PRRX2: variants seen among roughly 807,000 people sequenced by gnomAD.
PRRX2 encodes the protein paired mesoderm homeobox protein 2.
PRRX2 carries 11 observed loss-of-function variants against 18.0 expected under a neutral mutation model. That is an observed-to-expected ratio of 0.61 (90% confidence interval 0.39 to 1.01). The LOEUF is 1.01. Ranked by LOEUF, PRRX2 falls within the 50% of genes least tolerant of loss-of-function variation. The probability of loss-of-function intolerance (pLI) is 0.01; values close to 1 mark genes in which losing one functional copy is unlikely to be tolerated. For synonymous variants in PRRX2, 177 were observed against 154.8 expected, an observed-to-expected ratio of 1.14 and a Z score of -1.06; for missense variants, 387 against 351.0, an observed-to-expected ratio of 1.10 and a Z score of -0.82.
chr9:129,673,357 T>G (rs568814323), intron 1 of PRRX2, among the ~76,000 whole-genome samples: 2 of 152,118 alleles, frequency 1.3e-5, no homozygotes, highest in African/African-American at 4.8e-5. Flanking sequence ...CTCGGGATGC[T>G]GAGACAGGAG....
intron 1 of PRRX2, among the ~76,000 whole-genome samples, chr9:129,693,852 T>C (rs1166461623): frequency 1.3e-5 from 2 of 152,354 alleles, no homozygotes; most frequent in East Asian, 3.9e-4. Flanking sequence ...AATGTCTTTC[T>C]GTGGTCTATG....
At chr9:129,687,158 TG>T (rs1303902691) in intron 1 of PRRX2, among the ~76,000 whole-genome samples, 3 of 151,882 alleles carry the variant, frequency 2.0e-5, no homozygotes, top group Non-Finnish European at 4.4e-5. Context: ...GAGGCCTAGG[TG>T]GGAGGATCAC....
chr9:129,700,098 G>A lies in PRRX2; in HGVS notation c.260-19133G>A, dbSNP rs115097265. 1.5e-3 allele frequency among the ~76,000 whole-genome samples: 224 copies of A among 152,280 alleles called. 1 individual carries two copies. The highest frequency in any genetic ancestry group is 4.7e-3 in the African/African-American group (194 of 41,544). ...GCTAACGTGATTTAGCACTTACTAC[G>A]TGCCAGGCACTGCTTTAAGAACCTT... On this transcript the variant is annotated intron_variant, in intron 1 of 3. Coordinates refer to ENST00000372469, the MANE Select transcript of PRRX2 (RefSeq NM_016307.4).
intron 1 of PRRX2, among the ~76,000 whole-genome samples, chr9:129,693,144 T>TA (rs1199028385): frequency 1.3e-5 from 2 of 152,202 alleles, no homozygotes; most frequent in Admixed American, 1.3e-4. Context: ...TCCCCAGTGA[T>TA]ACAAGATACG....
At chr9:129,686,866 C>A (rs1403515817) in intron 1 of PRRX2, among the ~76,000 whole-genome samples, 1 of 152,156 alleles carries the variant, frequency 6.6e-6, no homozygotes, top group African/African-American at 2.4e-5. Context: ...GGGGGAGGGC[C>A]TTGATGGGTC....
rs150521051 is a variant in PRRX2, at chr9:129,676,812, G to A, written c.259+10686G>A. On this transcript the variant is annotated intron_variant, in intron 1 of 3. Coordinates refer to ENST00000372469, the MANE Select transcript of PRRX2 (RefSeq NM_016307.4). ...CAGAAGCCGAAGCGTGATGCCCCCA[G>A]CTCAGAGGGGCTCTGTCCTCAAACC... 4.0e-3 allele frequency among the ~76,000 whole-genome samples: 614 copies of A among 152,334 alleles called. 7 individuals carry two copies. The highest frequency in any genetic ancestry group is 0.014 in the African/African-American group (565 of 41,574).
chr9:129,705,942 C>T (rs1322382340), intron 1 of PRRX2, among the ~76,000 whole-genome samples: 1 of 151,906 alleles, frequency 6.6e-6, no homozygotes, highest in Non-Finnish European at 1.5e-5. Flanking sequence ...CCCCTGACCT[C>T]TTGGGGCCTC....
At position 129,715,750 on chromosome 9, in the gene PRRX2, T is replaced by TCTCTCACA. The variant is rs762929485; in HGVS notation, c.260-3480_260-3479insTCTCACAC. On this transcript the variant is annotated intron_variant, in intron 1 of 3. Transcript: ENST00000372469. The surrounding 1 kb of genome is among the most constrained non-coding windows in gnomAD (Gnocchi z 4.0). Reference sequence around the variant, plus strand: ...AAACCCAGCTTCAGGGACATCTTTCTCACACACACACACACACACACACAC... The same window carrying TCTCTCACA: ...AAACCCAGCTTCAGGGACATCTTTCTCTCTCACACACACACACACACACACACACACAC... Among the ~76,000 whole-genome samples, 1 of 138,862 alleles carries TCTCTCACA rather than the reference T, an allele frequency of 7.2e-6. No individual in the cohort carries two copies. The highest frequency in any genetic ancestry group is 1.5e-5 in the Non-Finnish European group (1 of 64,902). The allele number at this position is 138,862 out of a possible 152,430, so 91.1% of individuals were successfully genotyped here.
chr9:129,715,670 C>T lies in PRRX2; in HGVS notation c.260-3561C>T, dbSNP rs537301812. On this transcript the variant is annotated intron_variant, in intron 1 of 3. Transcript: ENST00000372469. This position sits in a 1 kb window ranked among gnomAD's most constrained non-coding sequence, Gnocchi z 4.0. The stretch of plus-strand genomic sequence containing the variant: ...AGTAGCACCCCTTCCCCAGTCCTAA[C>T]GATCAAAAATGTCTCACAGGGGCAA... Among the ~76,000 whole-genome samples, 26 of 151,590 alleles carry T rather than the reference C, an allele frequency of 1.7e-4. No homozygotes were observed. Among genetic ancestry groups the T allele is most frequent in the Non-Finnish European group, 2.9e-4 (20 of 67,906 alleles).
rs777358202 is a variant in PRRX2, at chr9:129,684,482, T to TCTCACA, written c.259+18357_259+18358insTCACAC. Among the ~76,000 whole-genome samples, 4 of 43,246 alleles carry TCTCACA rather than the reference T, an allele frequency of 9.2e-5. 1 individual carries two copies. Among genetic ancestry groups the TCTCACA allele is most frequent in the African/African-American group, 4.0e-4 (4 of 9,966 alleles). The allele number at this position is 43,246 out of a possible 152,430, so 28.4% of individuals were successfully genotyped here. On this transcript the variant is annotated intron_variant, in intron 1 of 3. Coordinates refer to ENST00000372469, the MANE Select transcript of PRRX2 (RefSeq NM_016307.4). The stretch of plus-strand genomic sequence containing the variant: ...CACCCAACAGAAAAGATACCAGAAA[T>TCTCACA]CACACACACACACACACACACACAC...
intron 1 of PRRX2, among the ~76,000 whole-genome samples, chr9:129,717,606 G>T (rs1832726386): frequency 6.8e-6 from 1 of 147,472 alleles, no homozygotes; most frequent in Non-Finnish European, 1.5e-5. Flanking sequence ...TGAGGCATGA[G>T]AATCACTTGA....
intron 1 of PRRX2, among the ~76,000 whole-genome samples, chr9:129,668,983 C>T (rs1832064586): frequency 6.6e-6 from 1 of 151,044 alleles, no homozygotes; most frequent in Non-Finnish European, 1.5e-5. Flanking sequence ...TGCATCTCTA[C>T]TAAAACTACA....
intron 1 of PRRX2, among the ~76,000 whole-genome samples, chr9:129,683,464 G>C (rs916573765): frequency 6.6e-6 from 1 of 151,788 alleles, no homozygotes; most frequent in Non-Finnish European, 1.5e-5. Context: ...GGCCGGGCGC[G>C]GTGGCTCACG....
chr9:129,722,391 G>C lies in PRRX2; in HGVS notation c.*39G>C. 1 of 1,606,458 alleles carries C rather than the reference G, an allele frequency of 6.2e-7. No individual in the cohort carries two copies. Among genetic ancestry groups the C allele is most frequent in the Non-Finnish European group, 8.5e-7 (1 of 1,176,118 alleles). On this transcript the variant is annotated 3_prime_UTR_variant, in exon 4 of 4. Coordinates refer to ENST00000372469, the MANE Select transcript of PRRX2 (RefSeq NM_016307.4). ...CAGGACCCAGACGCCTCCCTGGGTG[G>C]ACAGCAATAGAAAAGGGGGCAGACG... is the stretch of plus-strand genomic sequence containing the variant.
intron 1 of PRRX2, among the ~76,000 whole-genome samples, chr9:129,718,310 C>G: frequency 6.6e-6 from 1 of 152,194 alleles, no homozygotes; most frequent in East Asian, 1.9e-4. Context: ...CAAGCTCCAC[C>G]TCTCCTGAGG....
chr9:129,689,700 C>A (rs1231395453), intron 1 of PRRX2, among the ~76,000 whole-genome samples: 1 of 151,486 alleles, frequency 6.6e-6, no homozygotes, highest in East Asian at 1.9e-4. Context: ...TCACTCCGAA[C>A]CTGTGGAGTC....
chr9:129,708,836 A>G (rs1033807816), intron 1 of PRRX2, among the ~76,000 whole-genome samples: 5 of 152,226 alleles, frequency 3.3e-5, no homozygotes, highest in Non-Finnish European at 5.9e-5. Flanking sequence ...TCATTCAGAA[A>G]TATTTTTGAA....
At chr9:129,678,815 T>G (rs985510310) in intron 1 of PRRX2, among the ~76,000 whole-genome samples, 3 of 152,122 alleles carry the variant, frequency 2.0e-5, no homozygotes, top group Non-Finnish European at 2.9e-5. Context: ...AGTGAGCATC[T>G]CTTACGGTCA....
chr9:129,670,174 C>T (rs1174505988), intron 1 of PRRX2, among the ~76,000 whole-genome samples: 2 of 151,390 alleles, frequency 1.3e-5, no homozygotes, highest in Non-Finnish European at 2.9e-5. Flanking sequence ...AGTCTCCTTC[C>T]TTCTGAAGGC....
Sources: allele counts gnomAD v4.1 joint callset (sites outside exome capture counted in the v4.1 genomes callset), GRCh38; gene constraint gnomAD v4.1.1; non-coding constraint Gnocchi (gnomAD v3.1); transcripts MANE v1.5; gene names NCBI Gene and HGNC (gene_info 2026-07-23, HGNC 2026-07-21).